The following ZFP64 variants were observed in gnomAD, a reference collection of about 807,000 sequenced individuals.
ZFP64 encodes zinc finger protein 64.
A neutral mutation model predicts 51.6 loss-of-function variants in ZFP64; 14 were observed. That is an observed-to-expected ratio of 0.27 (90% CI 0.18 to 0.42). The LOEUF is 0.42. Among genes scored for constraint, ZFP64 ranks in the 10% least tolerant of loss-of-function variants. The pLI is 1.00. For synonymous variants in ZFP64, 375 were observed against 361.4 expected, an observed-to-expected ratio of 1.04 and a Z score of -0.43; for missense variants, 754 against 906.8, an observed-to-expected ratio of 0.83 and a Z score of 2.16.
Position 52,175,616 on chromosome 20 carries a change from G to A in ZFP64, c.287-9591C>T, listed in dbSNP as rs375454107. On this transcript the variant is annotated intron_variant, in intron 2 of 5. Coordinates refer to ENST00000216923, the MANE Select transcript of ZFP64 (RefSeq NM_018197.3). ...TCCCAGCACTGTGGGAGCCCGAGGC[G>A]GTCGGATCCCTTGAGGCCAGGAGTT... Among the ~76,000 whole-genome samples the A allele has an allele frequency of 7.9e-5, 12 of 152,176 alleles. No individual in the cohort carries two copies. The East Asian group carries it at 9.7e-4, about 12-fold the overall frequency.
intron 2 of ZFP64, among the ~76,000 whole-genome samples, chr20:52,168,143 T>A (rs547379133): frequency 6.6e-6 from 1 of 152,216 alleles, no homozygotes; most frequent in Non-Finnish European, 1.5e-5. Flanking sequence ...ATCACTCTGA[T>A]ACACCTCAAA....
chr20:52,179,167 G>T lies in ZFP64; in HGVS notation c.286+7665C>A, dbSNP rs192187007. ...GAGAGCTGATGGTTTTAAAAAGGGGGGTGTCCCTGCACAAGCTCTTATCTC... is the reference window on the plus strand; with the variant it reads ...GAGAGCTGATGGTTTTAAAAAGGGGTGTGTCCCTGCACAAGCTCTTATCTC... On this transcript the variant is annotated intron_variant, in intron 2 of 5. Transcript: ENST00000216923. Among the ~76,000 whole-genome samples, 30 of 152,186 alleles carry T rather than the reference G, an allele frequency of 2.0e-4. No individual in the cohort carries two copies. In the East Asian group the frequency reaches 5.6e-3, roughly 28 times the overall value.
At chr20:52,145,272 C>A (rs1486980210) in intron 5 of ZFP64, among the ~76,000 whole-genome samples, 2 of 152,188 alleles carry the variant, frequency 1.3e-5, no homozygotes, top group African/African-American at 4.8e-5. Context: ...GGCTAGAAAT[C>A]CATACAGCAC....
At chr20:52,149,417 T>A (rs931820337), downstream of ZFP64, among the ~76,000 whole-genome samples, 3 of 152,242 alleles carry the variant, frequency 2.0e-5, no homozygotes, top group African/African-American at 7.2e-5. Flanking sequence ...TTAAAAAAAC[T>A]AGGTCTAGTT....
rs561797579 is a variant in ZFP64, at chr20:52,093,024, C to T, written c.976+4349G>A. 7.9e-5 allele frequency among the ~76,000 whole-genome samples: 12 copies of T among 152,188 alleles called. No homozygotes were observed. The East Asian group carries it at 1.7e-3, about 22-fold the overall frequency. On this transcript the variant is annotated intron_variant, in intron 7 of 8. Transcript: ENST00000361387. ...CCTCTGGTTTGGACATGACGTACTC[C>T]GGCTAATGAAATATGACAGAAAGTG...
chr20:52,126,337 G>T (rs1458407885), intron 5 of ZFP64, among the ~76,000 whole-genome samples: 1 of 152,156 alleles, frequency 6.6e-6, no homozygotes, highest in African/African-American at 2.4e-5. Context: ...GGAAGATGTG[G>T]AGCTGGAATT....
chr20:52,182,379 C>T (rs546449223), intron 2 of ZFP64, among the ~76,000 whole-genome samples: 3 of 152,098 alleles, frequency 2.0e-5, no homozygotes, highest in Non-Finnish European at 2.9e-5. Context: ...ATCCAATGGT[C>T]GCAGGGCCGT....
intron 5 of ZFP64, among the ~76,000 whole-genome samples, chr20:52,103,062 A>T (rs951400328): frequency 9.2e-5 from 14 of 151,856 alleles, no homozygotes; most frequent in African/African-American, 3.2e-4. Flanking sequence ...ACACCCAGGA[A>T]ACCAAAGAAG....
At chr20:52,084,662 T>C in exon 9 of ZFP64, 2 of 1,614,240 alleles carry the variant, frequency 1.2e-6, no homozygotes, top group African/African-American at 1.3e-5. Context: ...TGACCAAGTC[T>C]GAGTTCTTGT....
At chr20:52,150,934 C>T (rs1435810771), downstream of ZFP64, among the ~76,000 whole-genome samples, 2 of 152,202 alleles carry the variant, frequency 1.3e-5, no homozygotes, top group South Asian at 2.1e-4. Context: ...AATCTAGGTA[C>T]TCTCTCAGTC....
chr20:52,105,233 G>C (rs752588635), intron 5 of ZFP64: 3 of 1,340,088 alleles, frequency 2.2e-6, no homozygotes, highest in Non-Finnish European at 2.9e-6. Flanking sequence ...CTTGCGCCGC[G>C]ACATGGCGCG....
chr20:52,111,641 G>GTT (rs751762857), intron 5 of ZFP64, among the ~76,000 whole-genome samples: 32 of 152,076 alleles, frequency 2.1e-4, no homozygotes, highest in Non-Finnish European at 4.6e-4. Flanking sequence ...CAACTCTTAA[G>GTT]TATTTTGCCA....
intron 5 of ZFP64, among the ~76,000 whole-genome samples, chr20:52,102,063 G>C (rs2079057098): frequency 7.2e-6 from 1 of 138,396 alleles, no homozygotes; most frequent in Non-Finnish European, 1.5e-5. Flanking sequence ...AGTGAGCCCA[G>C]ATCGTGCCAC....
chr20:52,094,181 G>A (rs2078959950), intron 7 of ZFP64, among the ~76,000 whole-genome samples: 1 of 152,160 alleles, frequency 6.6e-6, no homozygotes, highest in African/African-American at 2.4e-5. Flanking sequence ...GTCTTCAGTT[G>A]TCACTGAGGT....
intron 7 of ZFP64, chr20:52,089,185 C>T: frequency 3.1e-6 from 1 of 326,412 alleles, no homozygotes; most frequent in South Asian, 2.5e-5. Context: ...CCTAGCCCAA[C>T]CCTTCCAGGC....
At chr20:52,127,802 GTGATT>G (rs1336819971) in intron 5 of ZFP64, among the ~76,000 whole-genome samples, 1 of 152,140 alleles carries the variant, frequency 6.6e-6, no homozygotes, top group African/African-American at 2.4e-5. Flanking sequence ...TAGTGAAAAC[GTGATT>G]TTCACTTATC....
In ZFP64 at chr20:52,164,652, G is replaced by C. The variant is rs376790542; in HGVS notation, c.511+43C>G. 28 of 1,537,232 alleles carry C rather than the reference G, an allele frequency of 1.8e-5. No individual in the cohort carries two copies. The Admixed American group carries it at 4.2e-4, about 23-fold the overall frequency. ...ATGTGGATCCCCATCTCCTAGCACA[G>C]AGCAGGTGTTGAGGGCATATGCGCT... On this transcript the variant is annotated intron_variant, in intron 4 of 5. Coordinates refer to ENST00000216923, the MANE Select transcript of ZFP64 (RefSeq NM_018197.3).
intron 7 of ZFP64, among the ~76,000 whole-genome samples, chr20:52,094,738 A>AAAATAAATAAAT (rs138950441): frequency 6.6e-6 from 1 of 151,026 alleles, no homozygotes; most frequent in African/African-American, 2.4e-5. Context: ...ACCCTGTCTC[A>AAAATAAATAAAT]AAATAAATAA....
At chr20:52,182,491 G>A (rs1983682362) in intron 2 of ZFP64, among the ~76,000 whole-genome samples, 1 of 152,196 alleles carries the variant, frequency 6.6e-6, no homozygotes, top group African/African-American at 2.4e-5. Context: ...GCCCAAGATG[G>A]GAGGATCATT....
Sources: gnomAD v4.1 joint callset for allele counts (sites outside exome capture counted in the v4.1 genomes callset) on GRCh38, gnomAD v4.1.1 for gene constraint, MANE v1.5 for transcripts, NCBI Gene and HGNC (gene_info 2026-07-23, HGNC 2026-07-21) for gene names.